ZNF730: variants seen among roughly 807,000 people sequenced by gnomAD.
The protein encoded by ZNF730 is zinc finger protein 730, also known as putative zinc finger protein 730.
ZNF730 carries 12 observed loss-of-function variants against 12.6 expected under a neutral mutation model. The ratio of observed to expected loss-of-function variants is 0.95; its 90% confidence interval spans 0.61 to 1.54. The LOEUF (loss-of-function observed/expected upper bound fraction) is 1.54, where lower values mean the gene tolerates loss of function less well. Among genes scored for constraint, ZNF730 ranks in the 40% most tolerant of loss-of-function variants. The probability of loss-of-function intolerance (pLI) is 0.00; values close to 1 mark genes in which losing one functional copy is unlikely to be tolerated. For missense variants in ZNF730, 643 were observed against 583.5 expected, an observed-to-expected ratio of 1.10 and a Z score of -1.05; for synonymous variants, 194 against 195.8, an observed-to-expected ratio of 0.99 and a Z score of 0.08.
chr19:23,117,425 TGCACCCGCAGCGCTGCGTCTCTCCCA>T, intron 1 of ZNF730, among the ~76,000 whole-genome samples: 1 of 152,298 alleles, frequency 6.6e-6, no homozygotes, highest in Non-Finnish European at 1.5e-5. Flanking sequence ...TGGGCAGCTC[TGCACCCGCAGCGCTGCGTCTCTCCCA>T]GATTATGCAG....
intron 1 of ZNF730, among the ~76,000 whole-genome samples, chr19:23,076,261 G>A (rs1202192286): frequency 2.0e-5 from 3 of 152,110 alleles, no homozygotes; most frequent in East Asian, 1.9e-4. Flanking sequence ...AGTGGATGGT[G>A]GCAGGTTTTT....
At chr19:23,117,266 C>T in intron 1 of ZNF730, 90 bp downstream of exon 1, 1 of 1,601,974 alleles carries the variant, frequency 6.2e-7, no homozygotes, top group South Asian at 1.1e-5. Flanking sequence ...GGCCTCCCCG[C>T]AGTCAGCTTC....
chr19:23,078,713 G>T (rs897943148), intron 1 of ZNF730, among the ~76,000 whole-genome samples: 1 of 151,972 alleles, frequency 6.6e-6, no homozygotes, highest in Non-Finnish European at 1.5e-5. Context: ...TCAGTCTCTC[G>T]TCCCACCCGA....
rs1244896587 is a variant in ZNF730 at position 23,146,720 on chromosome 19, C to T, written c.*164C>T. 24 of 1,362,506 alleles carry T rather than the reference C, an allele frequency of 1.8e-5. No homozygotes were observed. Among genetic ancestry groups the T allele is most frequent in the Non-Finnish European group, 2.4e-5 (23 of 954,702 alleles). 84.4% of individuals were successfully genotyped at this position (1,362,506 alleles called of 1,614,324 possible). A position where few individuals can be genotyped will look rare whatever the true frequency, so the allele number is the denominator to read the frequency against. On this transcript the variant is annotated 3_prime_UTR_variant, in exon 4 of 4. Coordinates refer to ENST00000597761, the MANE Select transcript of ZNF730 (RefSeq NM_001277403.2). ...AAGGTAATTCATACTGGAGAAAAACCTACAAATGTGAAGAATGTGGCAAAG... is the reference window on the plus strand; with the variant it reads ...AAGGTAATTCATACTGGAGAAAAACTTACAAATGTGAAGAATGTGGCAAAG...
intron 3 of ZNF730, among the ~76,000 whole-genome samples, chr19:23,137,446 T>C (rs1391165928): frequency 2.6e-5 from 4 of 152,230 alleles, no homozygotes; most frequent in Admixed American, 1.3e-4. Flanking sequence ...TGCTAATGTA[T>C]TGAGTATAAT....
At chr19:23,115,408 T>C (rs1599586409), upstream of ZNF730, among the ~76,000 whole-genome samples, 1 of 152,204 alleles carries the variant, frequency 6.6e-6, no homozygotes, top group East Asian at 1.9e-4. Flanking sequence ...TCCTATATCC[T>C]TTGCCACGTG....
intron 1 of ZNF730, among the ~76,000 whole-genome samples, chr19:23,093,273 G>A (rs527911318): frequency 6.6e-6 from 1 of 152,350 alleles, no homozygotes; most frequent in African/African-American, 2.4e-5. Context: ...ACTGCGCCCA[G>A]CCTGTCGTTA....
chr19:23,091,465 G>C (rs1249422554), intron 1 of ZNF730, among the ~76,000 whole-genome samples: 1 of 152,140 alleles, frequency 6.6e-6, no homozygotes, highest in African/African-American at 2.4e-5. Context: ...CTTGCACTGT[G>C]CACCTGGAAA....
chr19:23,100,545 A>G (rs1338310727), intron 1 of ZNF730, among the ~76,000 whole-genome samples: 2 of 151,770 alleles, frequency 1.3e-5, no homozygotes, highest in Non-Finnish European at 2.9e-5. Context: ...CCACTGGTGA[A>G]GTCCTGAATC....
At chr19:23,113,988 CTG>C (rs137957109), upstream of ZNF730, among the ~76,000 whole-genome samples, 7,625 of 152,208 alleles carry the variant, frequency 0.05, 224 homozygotes, top group Middle Eastern at 0.088. Context: ...TGAAACCTAA[CTG>C]AATGTGTAAA....
intron 1 of ZNF730, among the ~76,000 whole-genome samples, chr19:23,133,521 T>C (rs768246431): frequency 6.6e-6 from 1 of 152,144 alleles, no homozygotes; most frequent in African/African-American, 2.4e-5. Flanking sequence ...TTTGTGTTTT[T>C]AGTAGAGATG....
chr19:23,145,503 CTT>C lies in ZNF730; in HGVS notation c.461_462del (p.Phe154SerfsTer2). On this transcript the variant is annotated frameshift_variant, in exon 4 of 4. Transcript: ENST00000597761. LOFTEE classifies it low-confidence loss of function (END_TRUNC). ...IFQCDKYVKV[F>X]HKFSNSNRHK... ...TTCAGTGTGACAAATATGTGAAAGT[CTT>C]TCATAAATTTTCAAATTCAAACAGA... is the stretch of plus-strand genomic sequence containing the variant. 6.4e-7 allele frequency: 1 copy of C among 1,562,862 alleles called. No individual in the cohort carries two copies. Among genetic ancestry groups the C allele is most frequent in the Non-Finnish European group, 8.7e-7 (1 of 1,154,606 alleles).
intron 1 of ZNF730, among the ~76,000 whole-genome samples, chr19:23,084,365 G>A (rs1037926481): frequency 6.6e-6 from 1 of 151,974 alleles, no homozygotes. Context: ...TCAGCTTTGC[G>A]CTTTTAAAAA....
chr19:23,113,299 A>G (rs143159353), upstream of ZNF730, among the ~76,000 whole-genome samples: 70 of 152,318 alleles, frequency 4.6e-4, no homozygotes, highest in African/African-American at 1.6e-3. Flanking sequence ...TCTTCGTATT[A>G]TCCTCCTGGT....
At chr19:23,139,267 T>G (rs1325780938) in intron 3 of ZNF730, among the ~76,000 whole-genome samples, 1 of 152,160 alleles carries the variant, frequency 6.6e-6, no homozygotes, top group Non-Finnish European at 1.5e-5. Flanking sequence ...TGTAAAGCTA[T>G]TCTTTGCTTC....
At chr19:23,097,299 CAG>C (rs1407731548) in intron 1 of ZNF730, among the ~76,000 whole-genome samples, 3 of 152,116 alleles carry the variant, frequency 2.0e-5, no homozygotes, top group African/African-American at 4.8e-5. Flanking sequence ...GACGCTGTCA[CAG>C]GGGACATTGT....
At chr19:23,141,675 T>G (rs957709817) in intron 3 of ZNF730, among the ~76,000 whole-genome samples, 1 of 152,220 alleles carries the variant, frequency 6.6e-6, no homozygotes, top group African/African-American at 2.4e-5. Context: ...TTCTCATTAT[T>G]TATAGTCTCA....
At chr19:23,124,668 T>A (rs1970640650) in intron 1 of ZNF730, among the ~76,000 whole-genome samples, 1 of 152,200 alleles carries the variant, frequency 6.6e-6, no homozygotes. Context: ...AAGAAATGAG[T>A]CATTCTGTGT....
At chr19:23,136,583 T>G (rs1178244683) in intron 3 of ZNF730, among the ~76,000 whole-genome samples, 3 of 152,284 alleles carry the variant, frequency 2.0e-5, no homozygotes, top group Non-Finnish European at 4.4e-5. Flanking sequence ...TAAACTATTT[T>G]TTAAGTTATC....
Sources: allele counts gnomAD v4.1 joint callset (sites outside exome capture counted in the v4.1 genomes callset), GRCh38; gene constraint gnomAD v4.1.1; transcripts MANE v1.5; gene names NCBI Gene and HGNC (gene_info 2026-07-23, HGNC 2026-07-21).